ADAMTS17: variants seen among roughly 807,000 people sequenced by gnomAD.
ADAMTS17 encodes ADAM metallopeptidase with thrombospondin type 1 motif 17, also known as A disintegrin and metalloproteinase with thrombospondin motifs 17.
A neutral mutation model predicts 141.5 loss-of-function variants in ADAMTS17; 113 were observed. The observed-to-expected ratio is 0.80, with a 90% CI of 0.69 to 0.93. ADAMTS17 has a LOEUF of 0.93. Among genes scored for constraint, ADAMTS17 ranks in the 40% least tolerant of loss-of-function variants. The probability of loss-of-function intolerance (pLI) is 0.00; values close to 1 mark genes in which losing one functional copy is unlikely to be tolerated. For missense variants in ADAMTS17, 1,659 were observed against 1,517.9 expected (o/e 1.09, Z -1.54); for synonymous variants, 768 against 630.6 (o/e 1.22, Z -3.27).
intron 7 of ADAMTS17, among the ~76,000 whole-genome samples, chr15:100,223,093 G>A (rs888466989): frequency 6.6e-6 from 1 of 152,128 alleles, no homozygotes; most frequent in Non-Finnish European, 1.5e-5. Context: ...TTCTCTTACT[G>A]CACCACAAGG....
At chr15:100,231,380 G>C (rs2042475795) in intron 7 of ADAMTS17, among the ~76,000 whole-genome samples, 1 of 152,284 alleles carries the variant, frequency 6.6e-6, no homozygotes, top group African/African-American at 2.4e-5. Flanking sequence ...ACAATTCCCA[G>C]TGTGCATAAG....
intron 6 of ADAMTS17, among the ~76,000 whole-genome samples, chr15:100,255,947 T>G (rs1308202976): frequency 6.6e-6 from 1 of 152,074 alleles, no homozygotes; most frequent in East Asian, 1.9e-4. Flanking sequence ...TGTGTTCAGC[T>G]CAGGGAGGGA....
intron 11 of ADAMTS17, among the ~76,000 whole-genome samples, chr15:100,132,846 T>G (rs1249147975): frequency 1.3e-5 from 2 of 152,208 alleles, no homozygotes; most frequent in Non-Finnish European, 2.9e-5. Context: ...AACATTTAGC[T>G]AGAATTGGAT....
At chr15:100,267,037 T>C (rs1053216253) in intron 4 of ADAMTS17, among the ~76,000 whole-genome samples, 1 of 152,162 alleles carries the variant, frequency 6.6e-6, no homozygotes, top group African/African-American at 2.4e-5. Flanking sequence ...CACCCACTAG[T>C]GCACAACCGT....
intron 18 of ADAMTS17, among the ~76,000 whole-genome samples, chr15:100,010,981 G>A (rs902026749): frequency 6.6e-6 from 1 of 151,976 alleles, no homozygotes; most frequent in Admixed American, 6.6e-5. Flanking sequence ...TGAGGAGCAC[G>A]GCACCATCTG....
At chr15:100,248,802 A>T (rs1177096876) in intron 7 of ADAMTS17, among the ~76,000 whole-genome samples, 1 of 141,748 alleles carries the variant, frequency 7.1e-6, no homozygotes, top group Non-Finnish European at 1.6e-5. Context: ...TCTGGTGTTA[A>T]TTTTTTTTTT....
At chr15:100,303,267 C>G (rs954882186) in intron 3 of ADAMTS17, among the ~76,000 whole-genome samples, 1 of 149,192 alleles carries the variant, frequency 6.7e-6, no homozygotes, top group African/African-American at 2.5e-5. Context: ...CGAGAGAACC[C>G]TGATACACTG....
intron 14 of ADAMTS17, among the ~76,000 whole-genome samples, chr15:100,099,456 C>T (rs542731964): frequency 7.9e-4 from 120 of 152,256 alleles, no homozygotes; most frequent in African/African-American, 2.5e-3. Flanking sequence ...ATTAGGGGAG[C>T]TTTGATGATT....
intron 7 of ADAMTS17, among the ~76,000 whole-genome samples, chr15:100,248,913 C>T (rs1027568447): frequency 5.3e-5 from 8 of 151,778 alleles, no homozygotes; most frequent in East Asian, 3.9e-4. Context: ...ATTGTCCTGT[C>T]GCAGCCTCCT....
chr15:100,281,786 T>C (rs1567481707), intron 3 of ADAMTS17, among the ~76,000 whole-genome samples: 1 of 152,082 alleles, frequency 6.6e-6, no homozygotes. Context: ...ACACCCAAGG[T>C]GGATAACTGG....
At chr15:100,095,188 G>A (rs780695166) in intron 15 of ADAMTS17, among the ~76,000 whole-genome samples, 17 of 152,196 alleles carry the variant, frequency 1.1e-4, no homozygotes, top group East Asian at 1.9e-4. Flanking sequence ...CAGGAGCCAC[G>A]TGGCAGGCAC....
At chr15:100,075,676 C>T (rs2034321953) in intron 15 of ADAMTS17, among the ~76,000 whole-genome samples, 1 of 152,212 alleles carries the variant, frequency 6.6e-6, no homozygotes. Context: ...GCTATATTAT[C>T]TGTACACATA....
At chr15:100,067,706 GATTGTT>G (rs1269874640) in intron 15 of ADAMTS17, among the ~76,000 whole-genome samples, 2 of 151,920 alleles carry the variant, frequency 1.3e-5, no homozygotes, top group African/African-American at 4.8e-5. Context: ...CAATCCCTTG[GATTGTT>G]TCCTACCTTT....
At chr15:100,320,231 T>A (rs1205418460) in intron 3 of ADAMTS17, among the ~76,000 whole-genome samples, 1 of 151,564 alleles carries the variant, frequency 6.6e-6, no homozygotes, top group Non-Finnish European at 1.5e-5. Flanking sequence ...AATAGTAAGA[T>A]CCACATATAT....
At chr15:100,297,197 G>A (rs113444577) in intron 3 of ADAMTS17, among the ~76,000 whole-genome samples, 77 of 152,190 alleles carry the variant, frequency 5.1e-4, no homozygotes, top group African/African-American at 1.4e-3. Context: ...AAGAAAGCAC[G>A]GTATGTTCTA....
At chr15:100,051,198 G>T (rs1260429237) in intron 17 of ADAMTS17, among the ~76,000 whole-genome samples, 2 of 152,126 alleles carry the variant, frequency 1.3e-5, no homozygotes, top group East Asian at 3.8e-4. Context: ...AAGGGAATTT[G>T]GGAGCGGGCA....
At chr15:100,172,051 C>T (rs908865545) in intron 8 of ADAMTS17, among the ~76,000 whole-genome samples, 2 of 152,182 alleles carry the variant, frequency 1.3e-5, no homozygotes, top group Non-Finnish European at 2.9e-5. Context: ...GGCTCTCAGA[C>T]CATTCATGTT....
chr15:100,095,046 T>C (rs542747711), intron 15 of ADAMTS17, among the ~76,000 whole-genome samples: 32 of 152,264 alleles, frequency 2.1e-4, no homozygotes, highest in African/African-American at 7.5e-4. Context: ...AACTTTTAAG[T>C]TGGTTTCATT....
At chr15:100,110,439 T>A (rs2036700804) in intron 13 of ADAMTS17, among the ~76,000 whole-genome samples, 1 of 151,582 alleles carries the variant, frequency 6.6e-6, no homozygotes, top group Non-Finnish European at 1.5e-5. Flanking sequence ...TAATTTTTTG[T>A]ATTTTCAGTA....
Sources: gnomAD v4.1 joint callset for allele counts (sites outside exome capture counted in the v4.1 genomes callset) on GRCh38, gnomAD v4.1.1 for gene constraint, MANE v1.5 for transcripts, NCBI Gene and HGNC (gene_info 2026-07-23, HGNC 2026-07-21) for gene names.